The following GALNT13 variants were observed in gnomAD, a reference collection of about 807,000 sequenced individuals.
GALNT13 encodes the protein UDP-GalNAc:polypeptide N-acetylgalactosaminyltransferase 13.
GALNT13 carries 28 observed loss-of-function variants against 64.2 expected under a neutral mutation model. The observed-to-expected ratio is 0.44, with a 90% confidence interval of 0.32 to 0.60. The LOEUF is 0.60. Among genes scored for constraint, GALNT13 ranks in the 20% least tolerant of loss-of-function variants. The pLI is 0.05. For synonymous variants in GALNT13, 214 were observed against 224.6 expected (o/e 0.95, Z 0.42); for missense variants, 577 against 669.8 (o/e 0.86, Z 1.53).
rs565159408 is a variant in GALNT13, at chr2:154,032,368, T to C, written c.142+87729T>C. ...TATTAACCTTTTAAGAAAAAAATAA[T>C]ATAAATTCTACCCAGTCACTTCCCG... On this transcript the variant is annotated intron_variant, in intron 3 of 12. Coordinates refer to ENST00000392825, the MANE Select transcript of GALNT13 (RefSeq NM_052917.4). 9.2e-5 allele frequency among the ~76,000 whole-genome samples: 14 copies of C among 152,038 alleles called. 1 individual carries two copies. In the South Asian group the frequency reaches 2.5e-3, roughly 27 times the overall value.
chr2:153,846,590 T>G, the GALNT13 span, among the ~76,000 whole-genome samples: 1 of 152,092 alleles, frequency 6.6e-6, no homozygotes, highest in Non-Finnish European at 1.5e-5. Flanking sequence ...AATTTAAAGA[T>G]CACATTAAAA....
chr2:153,691,544 A>G, the GALNT13 span, among the ~76,000 whole-genome samples: 7 of 152,132 alleles, frequency 4.6e-5, no homozygotes, highest in Admixed American at 6.6e-5. Flanking sequence ...AAAAATTCCT[A>G]TGTGTCAACC....
the GALNT13 span, among the ~76,000 whole-genome samples, chr2:153,197,640 C>G: frequency 6.6e-6 from 1 of 152,226 alleles, no homozygotes; most frequent in African/African-American, 2.4e-5. Flanking sequence ...ATGCCCCAGG[C>G]AGTGTGTTTG....
intron 6 of GALNT13, among the ~76,000 whole-genome samples, chr2:154,245,436 C>G (rs1321115711): frequency 1.3e-5 from 2 of 152,132 alleles, no homozygotes; most frequent in African/African-American, 4.8e-5. Context: ...GCCATCATCC[C>G]TTCTTACCTC....
intron 4 of GALNT13, among the ~76,000 whole-genome samples, chr2:154,214,123 G>T (rs561086524): frequency 6.6e-6 from 1 of 152,182 alleles, no homozygotes; most frequent in South Asian, 2.1e-4. Flanking sequence ...AATTTCACTT[G>T]TGAATCCACT....
the GALNT13 span, among the ~76,000 whole-genome samples, chr2:153,359,395 A>G: frequency 6.6e-6 from 1 of 152,192 alleles, no homozygotes; most frequent in African/African-American, 2.4e-5. Context: ...CATGGAAACT[A>G]GTAATAATAA....
intron 4 of GALNT13, 70 bp downstream of exon 4, chr2:154,140,575 C>A: frequency 9.0e-7 from 1 of 1,114,492 alleles, no homozygotes; most frequent in East Asian, 2.4e-5. Context: ...AGAACTTGAG[C>A]TAACTCAGAT....
In GALNT13 at chr2:153,955,815, A is replaced by C. The variant is rs191805842; in HGVS notation, c.142+11176A>C. Among the ~76,000 whole-genome samples the C allele has an allele frequency of 2.9e-3, 438 of 152,122 alleles. 3 individuals carry two copies. Among genetic ancestry groups the C allele is most frequent in the Middle Eastern group, 0.01 (3 of 294 alleles). On this transcript the variant is annotated intron_variant, in intron 3 of 12. Coordinates refer to ENST00000392825, the MANE Select transcript of GALNT13 (RefSeq NM_052917.4). The stretch of plus-strand genomic sequence containing the variant: ...TGGCAAGGAGTGCTTGCCAACCTCC[A>C]CTCTCATCTGGCCGAGAACATCCAG...
At chr2:153,636,335 G>T in the GALNT13 span, among the ~76,000 whole-genome samples, 14 of 152,018 alleles carry the variant, frequency 9.2e-5, no homozygotes, top group Non-Finnish European at 4.4e-5. Flanking sequence ...AATTAAATAT[G>T]TCCCAGTGAA....
intron 1 of GALNT13, among the ~76,000 whole-genome samples, chr2:153,888,326 AAT>A (rs1353060732): frequency 4.6e-5 from 7 of 152,030 alleles, no homozygotes; most frequent in Admixed American, 2.0e-4. Flanking sequence ...AGTAAAATAA[AAT>A]AGTTATTTTT....
intron 9 of GALNT13, among the ~76,000 whole-genome samples, chr2:154,365,405 A>C (rs965663869): frequency 6.6e-6 from 1 of 152,200 alleles, no homozygotes; most frequent in African/African-American, 2.4e-5. Context: ...TCTATTTATA[A>C]ATTGCCAATA....
chr2:154,155,176 A>C (rs1408125460), intron 4 of GALNT13, among the ~76,000 whole-genome samples: 2 of 152,040 alleles, frequency 1.3e-5, no homozygotes, highest in Non-Finnish European at 2.9e-5. Context: ...TCAGAAATTC[A>C]ATTAATATTC....
intron 9 of GALNT13, among the ~76,000 whole-genome samples, chr2:154,374,584 T>A (rs981914937): frequency 6.6e-5 from 10 of 152,202 alleles, no homozygotes; most frequent in African/African-American, 2.4e-4. Context: ...GGCAAGTATG[T>A]AAAGTTTATT....
At chr2:153,380,548 G>A in the GALNT13 span, among the ~76,000 whole-genome samples, 3 of 151,834 alleles carry the variant, frequency 2.0e-5, no homozygotes, top group Non-Finnish European at 4.4e-5. Context: ...TATTATATGA[G>A]GGACTTGATA....
chr2:154,077,341 A>G (rs568029141), intron 3 of GALNT13, among the ~76,000 whole-genome samples: 1 of 151,636 alleles, frequency 6.6e-6, no homozygotes, highest in South Asian at 2.1e-4. Context: ...GTTTATGTCT[A>G]ATCTTTGAAA....
chr2:153,424,111 G>T, the GALNT13 span, among the ~76,000 whole-genome samples: 3 of 149,750 alleles, frequency 2.0e-5, no homozygotes, highest in Non-Finnish European at 4.5e-5. Flanking sequence ...GTATATGTGG[G>T]TTCTACCCAC....
chr2:154,454,383 C>A (rs1237958223), downstream of GALNT13, among the ~76,000 whole-genome samples: 3 of 152,028 alleles, frequency 2.0e-5, no homozygotes, highest in Non-Finnish European at 2.9e-5. Flanking sequence ...TGTTATGGGG[C>A]CAGGCATGGT....
At chr2:153,992,806 A>G (rs1371805975) in intron 3 of GALNT13, among the ~76,000 whole-genome samples, 1 of 152,244 alleles carries the variant, frequency 6.6e-6, no homozygotes, top group Non-Finnish European at 1.5e-5. Context: ...CAGCACTAAC[A>G]GTGAAAAAGT....
At chr2:153,660,981 G>T in the GALNT13 span, among the ~76,000 whole-genome samples, 1 of 152,068 alleles carries the variant, frequency 6.6e-6, no homozygotes, top group Non-Finnish European at 1.5e-5. Flanking sequence ...AGGAGGGAGT[G>T]CATAGCTGGA....
Sources: gnomAD v4.1 joint callset for allele counts (sites outside exome capture counted in the v4.1 genomes callset) on GRCh38, gnomAD v4.1.1 for gene constraint, MANE v1.5 for transcripts, NCBI Gene and HGNC (gene_info 2026-07-23, HGNC 2026-07-21) for gene names.